Variants in PTCH1 observed in about 807,000 individuals in gnomAD.
The protein encoded by PTCH1 is protein patched homolog 1.
Under a neutral mutation model 144.6 loss-of-function variants are expected in PTCH1, and 14 were observed. The observed-to-expected ratio is 0.10, with a 90% CI of 0.06 to 0.15. The LOEUF (loss-of-function observed/expected upper bound fraction) is 0.15, where lower values mean the gene tolerates loss of function less well. Among genes scored for constraint, PTCH1 ranks in the 10% least tolerant of loss-of-function variants. The probability of loss-of-function intolerance (pLI) is 1.00; values close to 1 mark genes in which losing one functional copy is unlikely to be tolerated. For synonymous variants in PTCH1, 833 were observed against 793.6 expected (o/e 1.05, Z -0.83); for missense variants, 1,623 against 1,948.3 (o/e 0.83, Z 3.14).
Position 95,497,434 on chromosome 9 carries a change from G to A in PTCH1, c.394+8973C>T, listed in dbSNP as rs138297913. Among the ~76,000 whole-genome samples, 378 of 152,276 alleles carry A rather than the reference G, an allele frequency of 2.5e-3. 5 individuals carry two copies. The highest frequency in any genetic ancestry group is 8.5e-3 in the African/African-American group (354 of 41,546). ...AAAGCCATTTACTTCAGAACATATC[G>A]TGGGCTACATCCCTCAGTGCCACAG... On this transcript the variant is annotated intron_variant, in intron 2 of 23. Coordinates refer to ENST00000331920, the MANE Select transcript of PTCH1 (RefSeq NM_000264.5).
rs1840269986 is a variant in PTCH1, at chr9:95,468,761, G to T, written c.2240C>A (p.Pro747Gln). 6.2e-7 allele frequency: 1 copy of T among 1,614,064 alleles called. No individual in the cohort carries two copies. Among genetic ancestry groups the T allele is most frequent in the East Asian group, 2.2e-5 (1 of 44,882 alleles). ...EKHYAPFLLK[P>Q]KAKVVVIFLF... Reference sequence around the variant, plus strand: ...GTTGTGGCAGATTACCTTGGCTTTTGGTTTCAAGAGGAAAGGAGCATAGTG... The same window carrying T: ...GTTGTGGCAGATTACCTTGGCTTTTTGTTTCAAGAGGAAAGGAGCATAGTG... Residue 747 changes from proline (P) to glutamine (Q), a missense_variant, in exon 14 of 24, where the codon CCA becomes CAA. By Grantham distance (76) the Pro-to-Gln change is moderately conservative. Coordinates refer to ENST00000331920, the MANE Select transcript of PTCH1 (RefSeq NM_000264.5).
At chr9:95,454,162 G>A (rs575669677) in intron 19 of PTCH1, among the ~76,000 whole-genome samples, 28 of 152,338 alleles carry the variant, frequency 1.8e-4, no homozygotes, top group African/African-American at 6.0e-4. Flanking sequence ...TTTGAATCAA[G>A]CCCTTCTGAA....
chr9:95,516,854 G>A (rs372755024), exon 1 of PTCH1: 239 of 1,557,890 alleles, frequency 1.5e-4, no homozygotes, highest in Non-Finnish European at 2.0e-4. Context: ...CGCGCCATAG[G>A]CAGGACCTGT....
At chr9:95,487,112 G>A (rs1588625721) in intron 2 of PTCH1, among the ~76,000 whole-genome samples, 1 of 152,124 alleles carries the variant, frequency 6.6e-6, no homozygotes, top group Middle Eastern at 3.2e-3. Context: ...TAGTTCTCTT[G>A]GCATATTTTA....
intron 7 of PTCH1, 142 bp downstream of exon 7, chr9:95,479,827 A>G: frequency 7.3e-7 from 1 of 1,364,126 alleles, no homozygotes; most frequent in Non-Finnish European, 1.0e-6. Context: ...ACTATTTCTT[A>G]ATATTCTATG....
At position 95,447,272 on chromosome 9, in the gene PTCH1, T is replaced by G. The variant is rs1394160194; in HGVS notation, c.3984A>C (p.Glu1328Asp). The G allele has an allele frequency of 6.2e-7, 1 of 1,612,818 alleles. No homozygotes were observed. Among genetic ancestry groups the G allele is most frequent in the African/African-American group, 1.3e-5 (1 of 74,920 alleles). Reference protein sequence around the residue: ...PRRDAFEISTEGHSGPSNRAR... With the variant: ...PRRDAFEISTDGHSGPSNRAR... Reference sequence around the variant, plus strand: ...CCCTATTGCTAGGGCCAGAATGCCCTTCAGTAGAAATTTCAAAAGCGTCTC... The same window carrying G: ...CCCTATTGCTAGGGCCAGAATGCCCGTCAGTAGAAATTTCAAAAGCGTCTC... Residue 1328 changes from glutamate to aspartate, a missense_variant, in exon 23 of 24, where the codon GAA (glutamate) becomes GAC (aspartate). By Grantham distance (45) the Glu-to-Asp change is conservative. This residue lies in a region of PTCH1 where 291 missense variants were observed against 287.4 expected (regional missense o/e 1.01). Transcript: ENST00000331920.
At chr9:95,516,034 T>A (rs1373993810) in intron 1 of PTCH1, among the ~76,000 whole-genome samples, 2 of 151,852 alleles carry the variant, frequency 1.3e-5, no homozygotes, top group Non-Finnish European at 2.9e-5. Context: ...AGCCCTTCCA[T>A]CACCAGCTCT....
At chr9:95,485,633 C>T in intron 3 of PTCH1, 52 bp downstream of exon 3, 3 of 1,608,208 alleles carry the variant, frequency 1.9e-6, no homozygotes, top group Non-Finnish European at 2.6e-6. Context: ...CAGCAGCCTT[C>T]TCCCACCGCC....
At chr9:95,480,618 G>A (rs2118430692) in intron 5 of PTCH1, 30 bp from the exon 6 acceptor site, 5 of 1,594,782 alleles carry the variant, frequency 3.1e-6, no homozygotes, top group Non-Finnish European at 3.4e-6. Context: ...ACGAGACCAT[G>A]AAAAGAGCCT....
At chr9:95,477,303 C>G (rs1841124986) in intron 10 of PTCH1, among the ~76,000 whole-genome samples, 1 of 152,236 alleles carries the variant, frequency 6.6e-6, no homozygotes, top group Admixed American at 6.5e-5. Context: ...TGGTCAATGA[C>G]ATACATTCCT....
upstream of PTCH1, among the ~76,000 whole-genome samples, chr9:95,511,791 A>C (rs921333140): frequency 2.6e-5 from 4 of 152,242 alleles, no homozygotes; most frequent in Admixed American, 6.5e-5. Flanking sequence ...CCGACACTTC[A>C]AGTCGAACCA....
intron 1 of PTCH1, chr9:95,507,905 T>TACAA: frequency 3.9e-6 from 5 of 1,286,200 alleles, no homozygotes; most frequent in Non-Finnish European, 5.1e-6. Context: ...GGCGTGTGTA[T>TACAA]ACACACACAC....
chr9:95,454,221 A>T (rs540937164), intron 19 of PTCH1, among the ~76,000 whole-genome samples: 1 of 152,342 alleles, frequency 6.6e-6, no homozygotes, highest in African/African-American at 2.4e-5. Context: ...AAGCTCTCCT[A>T]GGCCAGAAAT....
chr9:95,480,854 G>A (rs1426446965), intron 5 of PTCH1, among the ~76,000 whole-genome samples: 1 of 151,942 alleles, frequency 6.6e-6, no homozygotes, highest in Non-Finnish European at 1.5e-5. Context: ...TGCTGATATT[G>A]TATATTTAAT....
At chr9:95,486,860 C>A (rs905253180) in intron 2 of PTCH1, among the ~76,000 whole-genome samples, 2 of 152,196 alleles carry the variant, frequency 1.3e-5, no homozygotes, top group African/African-American at 4.8e-5. Context: ...TAGTTACAGA[C>A]CCAGGAACCT....
intron 22 of PTCH1, 78 bp downstream of exon 22, chr9:95,448,991 A>AC (rs1838195197): frequency 6.3e-7 from 1 of 1,589,704 alleles, no homozygotes; most frequent in East Asian, 2.2e-5. Context: ...TGCTCAGCAG[A>AC]CAGGAGCCCC....
Position 95,461,908 on chromosome 9 carries a change from T to C in PTCH1, c.2651A>G (p.Tyr884Cys), listed in dbSNP as rs2136687938. ...GCTGCCGGTTTGCACCAGGAGTTTG[T>C]AGGCAAGGACTCCATCGTCTGATCC... Reference protein sequence around the residue: ...KNGSDDGVLAYKLLVQTGSRD... With the variant: ...KNGSDDGVLACKLLVQTGSRD... Residue 884 changes from tyrosine to cysteine, a missense_variant, in exon 16 of 24, where the codon TAC (tyrosine) becomes TGC (cysteine). Physicochemically the swap from Tyr to Cys is radical, Grantham distance 194. Around this residue, in one of 7 missense-constraint regions of PTCH1, gnomAD observed 504 missense variants for 679.3 expected, o/e 0.74. Transcript: ENST00000331920. 1 of 1,614,244 alleles carries C rather than the reference T, an allele frequency of 6.2e-7. No homozygotes were observed.
chr9:95,490,123 C>T (rs1281761776), intron 2 of PTCH1, among the ~76,000 whole-genome samples: 6 of 151,358 alleles, frequency 4.0e-5, no homozygotes, highest in South Asian at 2.1e-4. Context: ...AATATTTACC[C>T]GCTTTGCTTT....
intron 2 of PTCH1, chr9:95,506,187 C>A (rs1052432466): frequency 4.1e-5 from 20 of 492,604 alleles, no homozygotes; most frequent in African/African-American, 3.7e-4. Flanking sequence ...TCTCTCCCAC[C>A]ACACCTCGGC....
Sources: gnomAD v4.1 joint callset for allele counts (sites outside exome capture counted in the v4.1 genomes callset) on GRCh38, gnomAD v4.1.1 for gene constraint, gnomAD v4.1.1 regional missense constraint, MANE v1.5 for transcripts, NCBI Gene and HGNC (gene_info 2026-07-23, HGNC 2026-07-21) for gene names.